Variants in FAM13A observed in about 807,000 individuals in gnomAD.
FAM13A encodes protein FAM13A.
FAM13A carries 76 observed loss-of-function variants against 129.6 expected under a neutral mutation model. The observed-to-expected ratio is 0.59, with a 90% CI of 0.49 to 0.71. The LOEUF (loss-of-function observed/expected upper bound fraction) is 0.71. Among genes scored for constraint, FAM13A ranks in the 30% least tolerant of loss-of-function variants. The probability of loss-of-function intolerance (pLI) is 0.00; values close to 1 mark genes in which losing one functional copy is unlikely to be tolerated. For missense variants in FAM13A, 1,108 were observed against 1,249.3 expected (o/e 0.89, Z 1.70); for synonymous variants, 443 against 449.9 (o/e 0.98, Z 0.20).
chr4:88,969,629 A>C (rs1376348423), intron 4 of FAM13A, among the ~76,000 whole-genome samples: 1 of 152,210 alleles, frequency 6.6e-6, no homozygotes, highest in Non-Finnish European at 1.5e-5. Flanking sequence ...TGCACTGAAC[A>C]TTTTCTCTAC....
Position 88,753,094 on chromosome 4 carries a change from C to T in FAM13A, c.1727-2457G>A, listed in dbSNP as rs181851746. Among the ~76,000 whole-genome samples, 86 of 152,314 alleles carry T rather than the reference C, an allele frequency of 5.6e-4. 1 individual carries two copies. Among genetic ancestry groups the T allele is most frequent in the African/African-American group, 1.9e-3 (80 of 41,584 alleles). The stretch of plus-strand genomic sequence containing the variant: ...AAAATCTTAGTTTAAAAGGTGTTAC[C>T]TTACATCCTGAAGCCCTTTAATGTG... On this transcript the variant is annotated intron_variant, in intron 14 of 23. Coordinates refer to ENST00000264344, the MANE Select transcript of FAM13A (RefSeq NM_014883.4).
At chr4:88,801,490 T>G (rs947689441) in intron 8 of FAM13A, among the ~76,000 whole-genome samples, 1 of 152,178 alleles carries the variant, frequency 6.6e-6, no homozygotes, top group Non-Finnish European at 1.5e-5. Flanking sequence ...GCTGATATTT[T>G]AAAAGATGGT....
intron 10 of FAM13A, 131 bp from the exon 11 acceptor site, chr4:88,781,482 A>G: frequency 3.6e-6 from 2 of 559,718 alleles, no homozygotes; most frequent in Non-Finnish European, 6.0e-6. Context: ...TCTCTGATCA[A>G]AATCTGAGCA....
intron 14 of FAM13A, among the ~76,000 whole-genome samples, chr4:88,754,382 A>G (rs1743219570): frequency 6.6e-6 from 1 of 152,244 alleles, no homozygotes; most frequent in Non-Finnish European, 1.5e-5. Flanking sequence ...TAACGCTAAC[A>G]TGGTCACTGG....
chr4:88,815,036 T>C (rs764985967), intron 7 of FAM13A, among the ~76,000 whole-genome samples: 2 of 151,902 alleles, frequency 1.3e-5, no homozygotes, highest in Non-Finnish European at 2.9e-5. Flanking sequence ...AGAGACAGAG[T>C]CTCACTATGT....
intron 5 of FAM13A, among the ~76,000 whole-genome samples, chr4:88,920,139 G>C (rs1303524582): frequency 6.6e-6 from 1 of 152,198 alleles, no homozygotes; most frequent in African/African-American, 2.4e-5. Flanking sequence ...CAAACAAAAA[G>C]ACAGCAGTAA....
At chr4:88,876,651 GCTCA>G in intron 6 of FAM13A, among the ~76,000 whole-genome samples, 1 of 152,044 alleles carries the variant, frequency 6.6e-6, no homozygotes, top group Admixed American at 6.6e-5. Flanking sequence ...GAGTGCAGTG[GCTCA>G]ATCTCGGCTC....
chr4:89,025,061 T>A (rs1767747088), intron 2 of FAM13A, among the ~76,000 whole-genome samples: 1 of 152,164 alleles, frequency 6.6e-6, no homozygotes, highest in African/African-American at 2.4e-5. Flanking sequence ...AATCCCTAAT[T>A]TAAATTTTGT....
At chr4:88,753,218 G>A (rs1234021689) in intron 14 of FAM13A, among the ~76,000 whole-genome samples, 1 of 152,234 alleles carries the variant, frequency 6.6e-6, no homozygotes, top group South Asian at 2.1e-4. Context: ...TTATAAGAGT[G>A]TGTGATAAGA....
rs370843674 is a variant in FAM13A at position 88,783,743 on chromosome 4, G to A, written c.1272-2392C>T. 3.0e-4 allele frequency among the ~76,000 whole-genome samples: 45 copies of A among 152,220 alleles called. No individual in the cohort carries two copies. The South Asian group carries it at 8.9e-3, about 30-fold the overall frequency. On this transcript the variant is annotated intron_variant, in intron 10 of 23. Transcript: ENST00000264344. ...GTAAATAAGGTTAAAAGAGTAACAA[G>A]GGTGGGACCCTAATCCAATAGGACT...
chr4:89,025,426 G>A (rs1050381433), intron 2 of FAM13A, among the ~76,000 whole-genome samples: 6 of 150,632 alleles, frequency 4.0e-5, no homozygotes, highest in African/African-American at 1.2e-4. Context: ...CACCGCGCCC[G>A]GCTAATTTTT....
At chr4:89,002,287 G>C (rs6532092) in intron 3 of FAM13A, among the ~76,000 whole-genome samples, 48,796 of 151,930 alleles carry the variant, frequency 0.32, 8,123 homozygotes, top group South Asian at 0.51. Context: ...AGCCTGTCAG[G>C]CTCGGCAAGT....
In FAM13A at chr4:88,831,361, C is replaced by T. The variant is rs575182803; in HGVS notation, c.1007+19659G>A. 2.0e-5 allele frequency among the ~76,000 whole-genome samples: 3 copies of T among 152,322 alleles called. No individual in the cohort carries two copies. In the East Asian group the frequency reaches 5.8e-4, roughly 29 times the overall value. On this transcript the variant is annotated intron_variant, in intron 7 of 23. Transcript: ENST00000264344. ...CACCTTGTTAAATGATATTTCCTGA[C>T]AGCGGAGAAGCAGGCTTTAGCAGGG...
chr4:88,873,762 A>G (rs1299400101), intron 6 of FAM13A, among the ~76,000 whole-genome samples: 1 of 152,248 alleles, frequency 6.6e-6, no homozygotes, highest in Non-Finnish European at 1.5e-5. Flanking sequence ...ATAGAAAAAG[A>G]GGGAATCCTC....
intron 3 of FAM13A, among the ~76,000 whole-genome samples, chr4:89,007,466 C>G (rs1426445478): frequency 1.3e-5 from 2 of 152,114 alleles, no homozygotes; most frequent in Non-Finnish European, 2.9e-5. Flanking sequence ...AAAAGATCCT[C>G]GAGCCCCAGT....
chr4:88,903,651 T>C lies in FAM13A; in HGVS notation c.843+2728A>G, dbSNP rs1351544421. ...TTTCTAGGATTTTTAGAGTTTTGGG[T>C]TTTACATTTGTTGTAAACACTTCAC... On this transcript the variant is annotated intron_variant, in intron 6 of 23. Coordinates refer to ENST00000264344, the MANE Select transcript of FAM13A (RefSeq NM_014883.4). Among the ~76,000 whole-genome samples, 3 of 151,966 alleles carry C rather than the reference T, an allele frequency of 2.0e-5. No individual in the cohort carries two copies. The East Asian group carries it at 5.8e-4, about 29-fold the overall frequency.
chr4:88,885,285 A>C (rs1355407001), intron 6 of FAM13A, among the ~76,000 whole-genome samples: 1 of 152,206 alleles, frequency 6.6e-6, no homozygotes, highest in Non-Finnish European at 1.5e-5. Flanking sequence ...TAGTCACCAA[A>C]ACAGCATAGT....
chr4:88,799,446 A>C (rs1464199496), intron 8 of FAM13A, among the ~76,000 whole-genome samples: 1 of 152,184 alleles, frequency 6.6e-6, no homozygotes, highest in African/African-American at 2.4e-5. Context: ...TCAACAAATT[A>C]AACGTAGAAC....
chr4:88,957,813 T>C (rs368222540), intron 4 of FAM13A, among the ~76,000 whole-genome samples: 1 of 152,222 alleles, frequency 6.6e-6, no homozygotes, highest in Non-Finnish European at 1.5e-5. Context: ...AGGTCACCCA[T>C]GTTATGCGTT....
Sources: allele counts gnomAD v4.1 joint callset (sites outside exome capture counted in the v4.1 genomes callset), GRCh38; gene constraint gnomAD v4.1.1; transcripts MANE v1.5; gene names NCBI Gene and HGNC (gene_info 2026-07-23, HGNC 2026-07-21).